Variants in LYST observed in about 807,000 individuals in gnomAD.
LYST encodes lysosomal trafficking regulator.
In LYST, 192 loss-of-function variants were observed where a neutral mutation model predicts 413.6. That is an observed-to-expected ratio of 0.46 (90% CI 0.41 to 0.52). LYST has a LOEUF of 0.52. Among genes scored for constraint, LYST ranks in the 20% least tolerant of loss-of-function variants. The pLI, the probability that LYST is intolerant of heterozygous loss-of-function variation, is 0.00. For missense variants in LYST, 3,815 were observed against 4,499.9 expected (o/e 0.85, Z 4.35); for synonymous variants, 1,525 against 1,567.3 (o/e 0.97, Z 0.64).
chr1:235,775,027 T>C lies in LYST; in HGVS notation c.5520A>G (p.Ser1840=). 2 of 1,611,812 alleles carry C rather than the reference T, an allele frequency of 1.2e-6. No individual in the cohort carries two copies. Among genetic ancestry groups the C allele is most frequent in the Non-Finnish European group, 1.7e-6 (2 of 1,178,878 alleles). ...CTCTTTGTTGGTTGTATTTAATTAA[T>C]GAGAGTATAACTCGCAGTGCTAATG... ...TQALALRVIL[S]LIKYNQQRVH... is the part of the protein sequence containing the mutation. Residue 1840 remains serine (S), a synonymous_variant, in exon 18 of 53, where the codon TCA becomes TCG. Coordinates refer to ENST00000389793, the MANE Select transcript of LYST (RefSeq NM_000081.4).
At chr1:235,858,853 T>TG (rs1332629369) in intron 1 of LYST, among the ~76,000 whole-genome samples, 3 of 152,006 alleles carry the variant, frequency 2.0e-5, no homozygotes, top group Non-Finnish European at 4.4e-5. Flanking sequence ...TGCATTGTTA[T>TG]GGGGGGCAGG....
In LYST at chr1:235,854,037, C is replaced by T. The variant is rs1002523356; in HGVS notation, c.-98+12806G>A. ...TAAATCATCTCCCCGGCTTTCTATC[C>T]CTGTTAGAAGGAATGTGCTAGATGT... On this transcript the variant is annotated intron_variant, in intron 1 of 52. Coordinates refer to ENST00000389793, the MANE Select transcript of LYST (RefSeq NM_000081.4). The surrounding 1 kb of genome is among the most constrained non-coding windows in gnomAD (Gnocchi z 4.1). Among the ~76,000 whole-genome samples, 4 of 152,050 alleles carry T rather than the reference C, an allele frequency of 2.6e-5. No individual in the cohort carries two copies. The highest frequency in any genetic ancestry group is 9.7e-5 in the African/African-American group (4 of 41,392).
intron 47 of LYST, among the ~76,000 whole-genome samples, chr1:235,690,199 C>T (rs963146054): frequency 1.3e-5 from 2 of 152,194 alleles, no homozygotes; most frequent in Admixed American, 1.3e-4. Flanking sequence ...TTACTGATGA[C>T]AGCAATGAGT....
chr1:235,738,185 G>T (rs1036459712), intron 31 of LYST: 83 of 1,609,978 alleles, frequency 5.2e-5, no homozygotes, highest in Non-Finnish European at 6.8e-5. Flanking sequence ...AGGGCGAGAT[G>T]ATGGATCTCC....
intron 14 of LYST, among the ~76,000 whole-genome samples, chr1:235,785,300 C>A (rs967252998): frequency 6.6e-6 from 1 of 152,170 alleles, no homozygotes; most frequent in South Asian, 2.1e-4. Flanking sequence ...CAGTATTTTT[C>A]ATCATTTGTA....
chr1:235,764,495 C>CTTTTTTTTTTTTTT (rs1020736833), intron 21 of LYST, among the ~76,000 whole-genome samples: 38 of 97,950 alleles, frequency 3.9e-4, no homozygotes, highest in Non-Finnish European at 5.3e-4. Flanking sequence ...TTTTTCTTTT[C>CTTTTTTTTTTTTTT]TTTTTTTTTT....
In LYST at chr1:235,806,537, A is replaced by T. The variant is rs749679300; in HGVS notation, c.2599T>A (p.Ser867Thr). 6.2e-7 allele frequency: 1 copy of T among 1,614,014 alleles called. No homozygotes were observed. Among genetic ancestry groups the T allele is most frequent in the Admixed American group, 1.7e-5 (1 of 60,008 alleles). ...SFHHQQAYSD[S>T]PQSLSKFYAG... ...TAAAATTTGCTGAGACTCTGAGGAG[A>T]ATCTGAATAAGCTTGCTGATGATGA... The change falls in exon 6 of 53, where the codon TCT (serine) becomes ACT (threonine). Residue 867 changes from serine (S) to threonine (T), a missense_variant. Coordinates refer to ENST00000389793, the MANE Select transcript of LYST (RefSeq NM_000081.4).
intron 1 of LYST, among the ~76,000 whole-genome samples, chr1:235,858,141 G>A (rs1679425639): frequency 6.6e-6 from 1 of 152,000 alleles, no homozygotes; most frequent in African/African-American, 2.4e-5. Context: ...CTTCTTCAAT[G>A]ACCCCTACTT....
rs1659479044 is a variant in LYST at position 235,677,537 on chromosome 1, T to A, written c.10883A>T (p.Tyr3628Phe). 3 of 1,613,212 alleles carry A rather than the reference T, an allele frequency of 1.9e-6. No individual in the cohort carries two copies. Among genetic ancestry groups the A allele is most frequent in the South Asian group, 1.1e-5 (1 of 91,070 alleles). ...EITSLFVCKP[Y>F]SILISVSRDG... ...TCTGCTCACACTTATCAGTATACTG[T>A]ATGGTTTGCAAACAAATAAGCTGGT... Residue 3628 changes from tyrosine (Y) to phenylalanine (F), a missense_variant, in exon 49 of 53, where the codon TAC (tyrosine) becomes TTC (phenylalanine). Physicochemically the swap from Tyr to Phe is conservative, Grantham distance 22. Coordinates refer to ENST00000389793, the MANE Select transcript of LYST (RefSeq NM_000081.4).
intron 1 of LYST, among the ~76,000 whole-genome samples, chr1:235,834,769 G>T (rs1033851433): frequency 6.6e-6 from 1 of 152,082 alleles, no homozygotes; most frequent in African/African-American, 2.4e-5. Flanking sequence ...AAAGCACAGG[G>T]TATATTTCAG....
chr1:235,862,815 A>ACG (rs1680050912), intron 1 of LYST, among the ~76,000 whole-genome samples: 2 of 124,914 alleles, frequency 1.6e-5, no homozygotes, highest in South Asian at 4.8e-4. Flanking sequence ...AAACACACAC[A>ACG]CACACACACA....
intron 28 of LYST, chr1:235,747,332 C>T (rs1469671392): frequency 2.5e-6 from 1 of 401,884 alleles, no homozygotes; most frequent in Non-Finnish European, 5.1e-6. Flanking sequence ...GGAATTGAAC[C>T]TTTGTTTTAA....
At chr1:235,831,758 G>A (rs938709976) in intron 2 of LYST, among the ~76,000 whole-genome samples, 9 of 152,044 alleles carry the variant, frequency 5.9e-5, no homozygotes, top group South Asian at 2.1e-4. Context: ...TCTAAAATAC[G>A]GCAATAACCT....
chr1:235,740,490 T>C (rs1665269644), intron 31 of LYST, among the ~76,000 whole-genome samples: 1 of 152,166 alleles, frequency 6.6e-6, no homozygotes, highest in Non-Finnish European at 1.5e-5. Flanking sequence ...TTTTGCTTGT[T>C]CCTTCAGATG....
chr1:235,715,278 T>A lies in LYST; in HGVS notation c.9707A>T (p.His3236Leu). 3.1e-6 allele frequency: 5 copies of A among 1,613,662 alleles called. No homozygotes were observed. The highest frequency in any genetic ancestry group is 4.2e-6 in the Non-Finnish European group (5 of 1,179,618). Reference sequence around the variant, plus strand: ...AAGCACAGTGCCGCTATTGGAATAGTGGGAGCCATAGTGATAGGGCTGCAC... The same window carrying A: ...AAGCACAGTGCCGCTATTGGAATAGAGGGAGCCATAGTGATAGGGCTGCAC... The part of the protein sequence containing the change: ...PPVQPYHYGS[H>L]YSNSGTVLHF... Residue 3236 changes from histidine (H) to leucine (L), a missense_variant, in exon 42 of 53, where the codon CAC (histidine) becomes CTC (leucine). By Grantham distance (99) the His-to-Leu change is moderately conservative. Around this residue, in one of 4 missense-constraint regions of LYST, gnomAD observed 866 missense variants for 1,156.0 expected, o/e 0.75. Coordinates refer to ENST00000389793, the MANE Select transcript of LYST (RefSeq NM_000081.4).
At chr1:235,732,566 T>C (rs1453596129) in intron 34 of LYST, among the ~76,000 whole-genome samples, 1 of 152,226 alleles carries the variant, frequency 6.6e-6, no homozygotes, top group Non-Finnish European at 1.5e-5. Flanking sequence ...ATACATATTG[T>C]CAAAATGTAC....
At position 235,774,913 on chromosome 1, in the gene LYST, CT is replaced by C; in HGVS notation, c.5633del (p.Lys1878ArgfsTer15). ...AAGAATAAATTTTATGAAGACATAC[CT>C]TCAAAATGTAAAACCCAACAATGCA... The part of the protein sequence containing the change: ...QKCIVGFYIL[K>X]TLLEGCCGED... On this transcript the variant is annotated frameshift_variant and splice_region_variant, in exon 18 of 53. Transcript: ENST00000389793. LOFTEE classifies it high-confidence loss of function. 1 of 1,599,018 alleles carries C rather than the reference CT, an allele frequency of 6.3e-7. No homozygotes were observed.
chr1:235,723,916 A>C, intron 39 of LYST, 112 bp downstream of exon 39: 1 of 953,748 alleles, frequency 1.0e-6, no homozygotes, highest in Non-Finnish European at 1.7e-6. Context: ...GGACTAAGAA[A>C]CATGGCAATT....
chr1:235,814,907 C>T (rs1483436715), intron 3 of LYST, among the ~76,000 whole-genome samples: 1 of 152,182 alleles, frequency 6.6e-6, no homozygotes, highest in Non-Finnish European at 1.5e-5. Context: ...ATACATCTAG[C>T]TGGTAAAGGT....
Sources: allele counts gnomAD v4.1 joint callset (sites outside exome capture counted in the v4.1 genomes callset), GRCh38; gene constraint gnomAD v4.1.1; regional missense constraint gnomAD v4.1.1; non-coding constraint Gnocchi (gnomAD v3.1); transcripts MANE v1.5; gene names NCBI Gene and HGNC (gene_info 2026-07-23, HGNC 2026-07-21).